Variants in PNLIPRP3 observed in about 807,000 individuals in gnomAD.
The protein encoded by PNLIPRP3 is pancreatic lipase related protein 3, also known as pancreatic lipase-related protein 3.
In PNLIPRP3, 58 loss-of-function variants were observed where a neutral mutation model predicts 52.8. The ratio of observed to expected loss-of-function variants is 1.10; its 90% CI spans 0.89 to 1.37. The LOEUF (loss-of-function observed/expected upper bound fraction) is 1.37. Ranked by LOEUF, PNLIPRP3 falls within the 40% of genes most tolerant of loss-of-function variation. The pLI is 0.00. For missense variants in PNLIPRP3, 593 were observed against 561.6 expected, an observed-to-expected ratio of 1.06 and a Z score of -0.57; for synonymous variants, 192 against 185.0, an observed-to-expected ratio of 1.04 and a Z score of -0.31.
chr10:116,428,138 T>C, intron 1 of PNLIPRP3, 77 bp downstream of exon 1: 1 of 1,063,882 alleles, frequency 9.4e-7, no homozygotes, highest in African/African-American at 1.6e-5. Context: ...GACATGAACT[T>C]ATTCTTTAGA....
intron 11 of PNLIPRP3, 73 bp downstream of exon 11, chr10:116,476,892 TGAAA>T (rs1461626833): frequency 4.4e-5 from 63 of 1,417,248 alleles, no homozygotes; most frequent in Non-Finnish European, 5.9e-5. Flanking sequence ...ACAGATAATT[TGAAA>T]TGTGCAAGTA....
At chr10:116,436,573 A>G in intron 1 of PNLIPRP3, 138 bp from the exon 2 acceptor site, 1 of 886,908 alleles carries the variant, frequency 1.1e-6, no homozygotes, top group Non-Finnish European at 1.6e-6. Flanking sequence ...CCTATAGAAT[A>G]GGAGAAAATA....
intron 1 of PNLIPRP3, among the ~76,000 whole-genome samples, chr10:116,435,673 G>A (rs1380827397): frequency 6.6e-6 from 1 of 152,202 alleles, no homozygotes; most frequent in Middle Eastern, 3.2e-3. Context: ...TTTCCATAGT[G>A]ATTCACGATG....
Position 116,438,232 on chromosome 10 carries a change from C to T in PNLIPRP3, c.204+1367C>T, listed in dbSNP as rs561560585. On this transcript the variant is annotated intron_variant, in intron 2 of 11. Transcript: ENST00000369230. ...TTCTGGCTGGGGTTGCAAATTGAAA[C>T]CCAAAGAGTACATGAAATCTCAGAA... Among the ~76,000 whole-genome samples the T allele has an allele frequency of 4.8e-4, 73 of 152,220 alleles. 1 individual carries two copies. Among genetic ancestry groups the T allele is most frequent in the African/African-American group, 1.7e-3 (69 of 41,536 alleles).
chr10:116,447,471 A>G (rs1308142029), intron 4 of PNLIPRP3, among the ~76,000 whole-genome samples: 2 of 152,250 alleles, frequency 1.3e-5, no homozygotes, highest in East Asian at 3.8e-4. Flanking sequence ...TCCAGAAACT[A>G]ACCCTAATGA....
intron 7 of PNLIPRP3, among the ~76,000 whole-genome samples, chr10:116,465,596 G>A (rs540193225): frequency 3.3e-5 from 5 of 152,048 alleles, no homozygotes; most frequent in Non-Finnish European, 5.9e-5. Flanking sequence ...AACCAAAAAC[G>A]TTGTTCAGGA....
chr10:116,428,256 T>C (rs1318119772), intron 1 of PNLIPRP3, among the ~76,000 whole-genome samples, 195 bp downstream of exon 1: 2 of 152,222 alleles, frequency 1.3e-5, no homozygotes, highest in East Asian at 3.9e-4. Context: ...TCACTTAACA[T>C]AAAATTATCA....
chr10:116,476,519 A>G (rs1846468632), intron 10 of PNLIPRP3, 133 bp from the exon 11 acceptor site: 1 of 640,480 alleles, frequency 1.6e-6, no homozygotes. Context: ...TACACATGGA[A>G]AGAATAAATC....
intron 4 of PNLIPRP3, among the ~76,000 whole-genome samples, chr10:116,450,144 G>T (rs1012258137): frequency 2.6e-5 from 4 of 152,016 alleles, no homozygotes; most frequent in Non-Finnish European, 4.4e-5. Flanking sequence ...AATTTAAAAA[G>T]AAAAAAGCTC....
rs202096600 is a variant in PNLIPRP3 at position 116,455,819 on chromosome 10, G to A, written c.554G>A (p.Gly185Glu). Residue 185 changes from glycine to glutamate, a missense_variant, in exon 5 of 12, where the codon GGA (glycine) becomes GAA (glutamate). Physicochemically the swap from Gly to Glu is moderately conservative, Grantham distance 98. Transcript: ENST00000369230. Reference protein sequence around the residue: ...GEAGSRIPGLGRITGLDPAGP... With the variant: ...GEAGSRIPGLERITGLDPAGP... ...GCTGGGTCAAGGATACCAGGCCTTG[G>A]AAGAATAACTGGTAAGCATGCCCTG... 1.0e-4 allele frequency: 162 copies of A among 1,612,952 alleles called. No individual in the cohort carries two copies. Among genetic ancestry groups the A allele is most frequent in the Non-Finnish European group, 1.3e-4 (156 of 1,179,074 alleles).
chr10:116,441,207 C>T (rs1266878120), intron 2 of PNLIPRP3, among the ~76,000 whole-genome samples: 1 of 152,142 alleles, frequency 6.6e-6, no homozygotes, highest in Non-Finnish European at 1.5e-5. Context: ...CTTGATTAAA[C>T]TCCTCATTGA....
chr10:116,476,465 T>G (rs1846466904), intron 10 of PNLIPRP3, among the ~76,000 whole-genome samples, 187 bp from the exon 11 acceptor site: 1 of 152,216 alleles, frequency 6.6e-6, no homozygotes, highest in Admixed American at 6.5e-5. Flanking sequence ...TACTTCACCC[T>G]TCTTTCAAAC....
At chr10:116,463,943 A>G (rs1406622715) in intron 7 of PNLIPRP3, among the ~76,000 whole-genome samples, 2 of 152,138 alleles carry the variant, frequency 1.3e-5, no homozygotes, top group Non-Finnish European at 2.9e-5. Flanking sequence ...GGAGTTCAAG[A>G]CCAGCCTGGG....
Position 116,476,849 on chromosome 10 carries a change from G to A in PNLIPRP3, c.1340+30G>A, listed in dbSNP as rs186387906. The A allele has an allele frequency of 1.4e-4, 209 of 1,528,786 alleles. 1 individual carries two copies. The East Asian group carries it at 2.1e-3, about 16-fold the overall frequency. 94.7% of individuals were successfully genotyped at this position (1,528,786 alleles called of 1,614,324 possible). ...GTATTGCTTTTTCCTTTTCATTTTC[G>A]TAGTTTACATTTTATAAATGGTGTT... On this transcript the variant is annotated intron_variant, in intron 11 of 11. Coordinates refer to ENST00000369230, the MANE Select transcript of PNLIPRP3 (RefSeq NM_001011709.3).
intron 10 of PNLIPRP3, 131 bp from the exon 11 acceptor site, chr10:116,476,521 G>A (rs1431172439): frequency 3.0e-6 from 2 of 663,724 alleles, no homozygotes; most frequent in African/African-American, 3.8e-5. Flanking sequence ...CACATGGAAA[G>A]AATAAATCTC....
chr10:116,436,817 A>T lies in PNLIPRP3; in HGVS notation c.156A>T (p.Ile52=). ...GTTTACCCTGGTCTCCAGAGAAGAT[A>T]AACACTCGTTTCCTGCTCTACACTA... The part of the protein sequence containing the change: ...LVGLPWSPEK[I]NTRFLLYTIH... Residue 52 remains isoleucine, a synonymous_variant, in exon 2 of 12, where the codon ATA becomes ATT. Coordinates refer to ENST00000369230, the MANE Select transcript of PNLIPRP3 (RefSeq NM_001011709.3). 6.2e-7 allele frequency: 1 copy of T among 1,613,386 alleles called. No homozygotes were observed. The highest frequency in any genetic ancestry group is 8.5e-7 in the Non-Finnish European group (1 of 1,179,578).
rs1365118716 is a variant in PNLIPRP3 at position 116,471,749 on chromosome 10, C to T, written c.1061-19C>T. On this transcript the variant is annotated intron_variant, in intron 9 of 11. Coordinates refer to ENST00000369230, the MANE Select transcript of PNLIPRP3 (RefSeq NM_001011709.3). Reference sequence around the variant, plus strand: ...TTTAACCCTTTCTCTCCCTTTCCTTCTTGTTTCCTTATATCTAGGTTGGAG... The same window carrying T: ...TTTAACCCTTTCTCTCCCTTTCCTTTTTGTTTCCTTATATCTAGGTTGGAG... 6.5e-7 allele frequency: 1 copy of T among 1,546,194 alleles called. No individual in the cohort carries two copies. The highest frequency in any genetic ancestry group is 1.4e-5 in the African/African-American group (1 of 72,994).
At chr10:116,465,461 G>A (rs7899647) in intron 7 of PNLIPRP3, among the ~76,000 whole-genome samples, 10,463 of 151,994 alleles carry the variant, frequency 0.069, 487 homozygotes, top group Non-Finnish European at 0.1. Flanking sequence ...CGTGAACCCC[G>A]GAGGTGGAGC....
At chr10:116,454,717 G>T (rs1214426476) in intron 4 of PNLIPRP3, among the ~76,000 whole-genome samples, 1 of 152,154 alleles carries the variant, frequency 6.6e-6, no homozygotes, top group Non-Finnish European at 1.5e-5. Flanking sequence ...TGTCTTCCAT[G>T]TTGTCACAAA....
Sources: allele counts gnomAD v4.1 joint callset (sites outside exome capture counted in the v4.1 genomes callset), GRCh38; gene constraint gnomAD v4.1.1; transcripts MANE v1.5; gene names NCBI Gene and HGNC (gene_info 2026-07-23, HGNC 2026-07-21).